The following MAN1A2 variants were observed in gnomAD, a reference collection of about 807,000 sequenced individuals.
MAN1A2 encodes the protein mannosyl-oligosaccharide 1,2-alpha-mannosidase IB.
Under a neutral mutation model 75.7 loss-of-function variants are expected in MAN1A2, and 26 were observed. The ratio of observed to expected loss-of-function variants is 0.34; its 90% CI spans 0.25 to 0.48. MAN1A2 has a LOEUF of 0.48. MAN1A2 is among the 20% of genes least tolerant of loss of function. The pLI, the probability that MAN1A2 is intolerant of heterozygous loss-of-function variation, is 0.99. For missense variants in MAN1A2, 562 were observed against 775.5 expected (o/e 0.72, Z 3.27); for synonymous variants, 247 against 264.6 (o/e 0.93, Z 0.65).
At chr1:117,460,159 C>CAT (rs1323247420) in intron 6 of MAN1A2, among the ~76,000 whole-genome samples, 1 of 151,592 alleles carries the variant, frequency 6.6e-6, no homozygotes, top group Non-Finnish European at 1.5e-5. Context: ...GGACAATGAG[C>CAT]ATATATATTT....
intron 6 of MAN1A2, among the ~76,000 whole-genome samples, chr1:117,454,575 A>C (rs747819321): frequency 7.9e-5 from 12 of 152,240 alleles, no homozygotes; most frequent in Admixed American, 2.0e-4. Context: ...ACAAAAGCTT[A>C]GAGAATTTAT....
chr1:117,399,903 G>GCCTT (rs1647362013), intron 1 of MAN1A2, among the ~76,000 whole-genome samples: 2 of 152,242 alleles, frequency 1.3e-5, no homozygotes, highest in African/African-American at 4.8e-5. Flanking sequence ...ACCCTTAGCT[G>GCCTT]CAAGGACAGC....
At chr1:117,370,717 AT>A (rs1229304626) in intron 1 of MAN1A2, among the ~76,000 whole-genome samples, 3 of 144,668 alleles carry the variant, frequency 2.1e-5, no homozygotes, top group African/African-American at 7.8e-5. Context: ...GAAGAAACAA[AT>A]TGACAGTTTA....
At chr1:117,462,246 C>T (rs548074732) in intron 7 of MAN1A2, among the ~76,000 whole-genome samples, 24 of 152,028 alleles carry the variant, frequency 1.6e-4, no homozygotes, top group Admixed American at 6.6e-4. Context: ...TTCCATTATT[C>T]GGTATGTACA....
At chr1:117,439,661 T>A (rs1421332561) in intron 5 of MAN1A2, among the ~76,000 whole-genome samples, 1 of 151,998 alleles carries the variant, frequency 6.6e-6, no homozygotes. Flanking sequence ...ACCTGGCTAA[T>A]TTTTTGTGTT....
rs567308199 is a variant in MAN1A2 at position 117,507,526 on chromosome 1, G to A, written c.1793+4556G>A. ...AGGAAAGAAGTGAAAGGAAGATAAA[G>A]GGATACTGTATTGAGATTGAGGAGG... On this transcript the variant is annotated intron_variant, in intron 12 of 12. Coordinates refer to ENST00000356554, the MANE Select transcript of MAN1A2 (RefSeq NM_006699.5). 2.0e-5 allele frequency among the ~76,000 whole-genome samples: 3 copies of A among 151,842 alleles called. No individual in the cohort carries two copies. In the East Asian group the frequency reaches 5.8e-4, roughly 29 times the overall value.
chr1:117,441,697 CA>C (rs1649039150), intron 5 of MAN1A2, among the ~76,000 whole-genome samples: 1 of 151,842 alleles, frequency 6.6e-6, no homozygotes, highest in Admixed American at 6.6e-5. Context: ...TTTTGGATAC[CA>C]AAAAAGCAGC....
At chr1:117,399,872 T>G (rs940552694) in intron 1 of MAN1A2, among the ~76,000 whole-genome samples, 1 of 152,126 alleles carries the variant, frequency 6.6e-6, no homozygotes, top group Non-Finnish European at 1.5e-5. Context: ...TTCTCTCTGG[T>G]TGAAATAGGG....
At chr1:117,420,990 A>G (rs1158436676) in intron 5 of MAN1A2, among the ~76,000 whole-genome samples, 2 of 152,086 alleles carry the variant, frequency 1.3e-5, no homozygotes, top group East Asian at 3.8e-4. Flanking sequence ...CAAATCAGAA[A>G]GAATTAATAT....
chr1:117,514,764 G>A (rs1165242839), intron 12 of MAN1A2: 16 of 516,426 alleles, frequency 3.1e-5, no homozygotes, highest in Non-Finnish European at 6.4e-5. Context: ...TCAGATGAGG[G>A]GAAAAAACGG....
rs1410358272 is a variant in MAN1A2, at chr1:117,526,870, CTCTCTCTCTCTATATATATA to C, written c.*3915_*3934del. On this transcript the variant is annotated 3_prime_UTR_variant, in exon 13 of 13. Coordinates refer to ENST00000356554, the MANE Select transcript of MAN1A2 (RefSeq NM_006699.5). The stretch of plus-strand genomic sequence containing the variant: ...TCTCTCTCTCTCTCTCTCTCTCTCT[CTCTCTCTCTCTATATATATA>C]TATATATATATATATATATGAGAGA... 3.3e-5 allele frequency: 3 copies of C among 90,168 alleles called. No individual in the cohort carries two copies. Among genetic ancestry groups the C allele is most frequent in the African/African-American group, 4.3e-5 (1 of 23,484 alleles). 5.6% of individuals were successfully genotyped at this position (90,168 alleles called of 1,614,324 possible).
At chr1:117,495,125 T>C (rs966134181) in intron 9 of MAN1A2, 4 of 151,874 alleles carry the variant, frequency 2.6e-5, no homozygotes, top group Non-Finnish European at 5.9e-5. Flanking sequence ...GATAACTGCT[T>C]TGAAAGTTAA....
chr1:117,422,252 T>C (rs988948103), intron 5 of MAN1A2, among the ~76,000 whole-genome samples: 1 of 152,128 alleles, frequency 6.6e-6, no homozygotes, highest in African/African-American at 2.4e-5. Flanking sequence ...TTTCTGTCTC[T>C]ACAGTTAAGA....
intron 1 of MAN1A2, among the ~76,000 whole-genome samples, chr1:117,393,592 A>T (rs1274850304): frequency 1.3e-5 from 2 of 152,088 alleles, no homozygotes; most frequent in Non-Finnish European, 2.9e-5. Flanking sequence ...TCATAAAAAA[A>T]CTTTTAGTAT....
At chr1:117,413,975 A>C (rs1356443657) in intron 3 of MAN1A2, among the ~76,000 whole-genome samples, 1 of 151,732 alleles carries the variant, frequency 6.6e-6, no homozygotes, top group Non-Finnish European at 1.5e-5. Flanking sequence ...TTCATTATCT[A>C]GTTTTGGTAT....
At chr1:117,469,665 A>G (rs1333016441) in intron 8 of MAN1A2, among the ~76,000 whole-genome samples, 1 of 152,156 alleles carries the variant, frequency 6.6e-6, no homozygotes, top group African/African-American at 2.4e-5. Flanking sequence ...CACCAAATTA[A>G]ATAATGGGTG....
At chr1:117,442,111 T>C in intron 5 of MAN1A2, 120 bp from the exon 6 acceptor site, 1 of 580,188 alleles carries the variant, frequency 1.7e-6, no homozygotes, top group East Asian at 2.9e-5. Flanking sequence ...GAGATGCTTT[T>C]TCCTACCCTG....
At chr1:117,408,609 T>C (rs1014294888) in intron 3 of MAN1A2, among the ~76,000 whole-genome samples, 1 of 152,184 alleles carries the variant, frequency 6.6e-6, no homozygotes, top group Non-Finnish European at 1.5e-5. Flanking sequence ...ACTTTTCTTG[T>C]ATTATCTTTG....
intron 8 of MAN1A2, among the ~76,000 whole-genome samples, chr1:117,483,813 A>G (rs1002250067): frequency 6.6e-6 from 1 of 152,150 alleles, no homozygotes; most frequent in East Asian, 1.9e-4. Flanking sequence ...GTCTTGTGCC[A>G]GTTTTCAAAG....
Sources: allele counts gnomAD v4.1 joint callset (sites outside exome capture counted in the v4.1 genomes callset), GRCh38; gene constraint gnomAD v4.1.1; transcripts MANE v1.5; gene names NCBI Gene and HGNC (gene_info 2026-07-23, HGNC 2026-07-21).